Variants in GRID2 observed in about 807,000 individuals in gnomAD.
The protein encoded by GRID2 is glutamate ionotropic receptor delta type subunit 2.
Under a neutral mutation model 114.8 loss-of-function variants are expected in GRID2, and 33 were observed. The ratio of observed to expected loss-of-function variants is 0.29; its 90% CI spans 0.22 to 0.38. The LOEUF (loss-of-function observed/expected upper bound fraction) is 0.38, where lower values mean the gene tolerates loss of function less well. Among genes scored for constraint, GRID2 ranks in the 10% least tolerant of loss-of-function variants. The pLI is 1.00. For synonymous variants in GRID2, 505 were observed against 449.9 expected (o/e 1.12, Z -1.55); for missense variants, 1,184 against 1,257.7 (o/e 0.94, Z 0.89).
At chr4:93,739,332 T>C (rs1483506796) in intron 14 of GRID2, among the ~76,000 whole-genome samples, 1 of 152,098 alleles carries the variant, frequency 6.6e-6, no homozygotes, top group Non-Finnish European at 1.5e-5. Flanking sequence ...TACAATTTCT[T>C]CAACTATAGC....
chr4:93,773,683 A>G lies in GRID2; in HGVS notation c.*1185A>G. On this transcript the variant is annotated 3_prime_UTR_variant, in exon 16 of 16. Transcript: ENST00000282020. ...CCAAAGCAGCAAGTCAATCAATACA[A>G]TAATGATATTTGGGGAGGGGTGGGA... 1 of 152,182 alleles carries G rather than the reference A, an allele frequency of 6.6e-6. No homozygotes were observed. The highest frequency in any genetic ancestry group is 1.9e-4 in the East Asian group (1 of 5,204). The allele number at this position is 152,182 out of a possible 1,614,324, so 9.4% of individuals were successfully genotyped here. A position where few individuals can be genotyped will look rare whatever the true frequency, so the allele number is the denominator to read the frequency against.
At chr4:92,445,166 T>C (rs1003947466) in intron 1 of GRID2, among the ~76,000 whole-genome samples, 1 of 152,242 alleles carries the variant, frequency 6.6e-6, no homozygotes, top group Non-Finnish European at 1.5e-5. Context: ...TTAACAGTGC[T>C]ACAAAGTAGA....
chr4:93,566,003 G>A (rs1165483641), intron 13 of GRID2, among the ~76,000 whole-genome samples: 2 of 152,120 alleles, frequency 1.3e-5, no homozygotes, highest in Non-Finnish European at 2.9e-5. Flanking sequence ...ATGCAGTGGT[G>A]GGGGATTTGC....
intron 1 of GRID2, among the ~76,000 whole-genome samples, chr4:92,399,023 G>C (rs1156562738): frequency 6.6e-6 from 1 of 152,100 alleles, no homozygotes; most frequent in East Asian, 1.9e-4. Flanking sequence ...TTTAAAGCTA[G>C]AGCTACAACT....
intron 9 of GRID2, among the ~76,000 whole-genome samples, chr4:93,419,886 G>T (rs1251232682): frequency 6.6e-6 from 1 of 152,040 alleles, no homozygotes; most frequent in Non-Finnish European, 1.5e-5. Flanking sequence ...AAATGAAAAA[G>T]AATTAATAGT....
intron 2 of GRID2, among the ~76,000 whole-genome samples, chr4:92,989,755 A>G (rs1461089303): frequency 1.3e-5 from 2 of 152,154 alleles, no homozygotes; most frequent in African/African-American, 2.4e-5. Flanking sequence ...TTGAGCCAAA[A>G]TCTTTCACAC....
intron 14 of GRID2, among the ~76,000 whole-genome samples, chr4:93,658,033 A>G (rs1723169415): frequency 6.6e-6 from 1 of 152,236 alleles, no homozygotes; most frequent in Non-Finnish European, 1.5e-5. Flanking sequence ...CTGTTCAAAA[A>G]GGTTATTGCT....
At chr4:92,924,917 T>C (rs890565852) in intron 2 of GRID2, among the ~76,000 whole-genome samples, 2 of 152,130 alleles carry the variant, frequency 1.3e-5, no homozygotes, top group African/African-American at 4.8e-5. Flanking sequence ...TTACAAACTC[T>C]TCTGTTTCTG....
chr4:92,872,905 A>G (rs773349071), intron 2 of GRID2, among the ~76,000 whole-genome samples: 2 of 152,246 alleles, frequency 1.3e-5, no homozygotes, highest in Non-Finnish European at 2.9e-5. Flanking sequence ...TGGTAAGTAC[A>G]TGCTCTTACT....
At chr4:92,752,141 T>C (rs1179666959) in intron 2 of GRID2, among the ~76,000 whole-genome samples, 1 of 152,188 alleles carries the variant, frequency 6.6e-6, no homozygotes, top group Non-Finnish European at 1.5e-5. Flanking sequence ...AGAGCCAGAT[T>C]TACAGAGCAG....
intron 2 of GRID2, among the ~76,000 whole-genome samples, chr4:92,607,559 GAAT>G (rs1379642591): frequency 1.3e-5 from 2 of 151,726 alleles, no homozygotes; most frequent in African/African-American, 4.8e-5. Context: ...CTATTACCTA[GAAT>G]AATAATGAGA....
chr4:92,812,150 T>G lies in GRID2; in HGVS notation c.244+221864T>G, dbSNP rs760575431. On this transcript the variant is annotated intron_variant, in intron 2 of 15. Coordinates refer to ENST00000282020, the MANE Select transcript of GRID2 (RefSeq NM_001510.4). ...GCAATAGCTTATTAGGAACTCTGAT[T>G]TTCAAATAAATATGTGAAGATCTTT... 1.3e-4 allele frequency among the ~76,000 whole-genome samples: 20 copies of G among 152,146 alleles called. 1 individual carries two copies. The highest frequency in any genetic ancestry group is 1.3e-4 in the Non-Finnish European group (9 of 68,006).
intron 2 of GRID2, among the ~76,000 whole-genome samples, chr4:92,928,277 T>G (rs1275525546): frequency 6.6e-6 from 1 of 151,694 alleles, no homozygotes; most frequent in Non-Finnish European, 1.5e-5. Flanking sequence ...GAGTAAAAAG[T>G]AGAGGGCTGG....
chr4:92,994,672 T>C (rs77395064), intron 2 of GRID2, among the ~76,000 whole-genome samples: 2 of 152,138 alleles, frequency 1.3e-5, no homozygotes, highest in African/African-American at 2.4e-5. Flanking sequence ...TGGCTCTCAA[T>C]TGATGTTCAA....
At chr4:92,852,779 A>G (rs1743917173) in intron 2 of GRID2, among the ~76,000 whole-genome samples, 1 of 151,626 alleles carries the variant, frequency 6.6e-6, no homozygotes, top group Non-Finnish European at 1.5e-5. Flanking sequence ...GAGCCACACT[A>G]TTTCACACCT....
At chr4:93,778,883 T>G (rs994251065), downstream of GRID2, among the ~76,000 whole-genome samples, 22 of 152,182 alleles carry the variant, frequency 1.4e-4, no homozygotes, top group African/African-American at 5.3e-4. Flanking sequence ...TCTTTCCAAA[T>G]CAACATATTA....
chr4:92,812,635 C>G (rs1740715127), intron 2 of GRID2, among the ~76,000 whole-genome samples: 1 of 151,908 alleles, frequency 6.6e-6, no homozygotes, highest in African/African-American at 2.4e-5. Flanking sequence ...GTTTTCTTAT[C>G]CAAGCTGAAT....
At chr4:93,349,665 T>C (rs1398619079) in intron 8 of GRID2, among the ~76,000 whole-genome samples, 2 of 152,200 alleles carry the variant, frequency 1.3e-5, no homozygotes, top group East Asian at 1.9e-4. Context: ...ATATAGTATA[T>C]GACTTTGCTA....
At chr4:93,780,345 G>A (rs1181352222) in intron 1 of GRID2, among the ~76,000 whole-genome samples, 1 of 152,144 alleles carries the variant, frequency 6.6e-6, no homozygotes, top group Non-Finnish European at 1.5e-5. Flanking sequence ...GAATGTCCTG[G>A]GCATGTCTAA....
Sources: gnomAD v4.1 joint callset for allele counts (sites outside exome capture counted in the v4.1 genomes callset) on GRCh38, gnomAD v4.1.1 for gene constraint, MANE v1.5 for transcripts, NCBI Gene and HGNC (gene_info 2026-07-23, HGNC 2026-07-21) for gene names.